The following SULT1B1 variants were observed in gnomAD, a reference collection of about 807,000 sequenced individuals.
SULT1B1 encodes sulfotransferase family 1B member 1.
A neutral mutation model predicts 34.6 loss-of-function variants in SULT1B1; 28 were observed. That is an observed-to-expected ratio of 0.81 (90% CI 0.60 to 1.11). The LOEUF (loss-of-function observed/expected upper bound fraction) is 1.11, where lower values mean the gene tolerates loss of function less well. Ranked by LOEUF, SULT1B1 falls within the 50% of genes least tolerant of loss-of-function variation. The probability of loss-of-function intolerance (pLI) is 0.00; values close to 1 mark genes in which losing one functional copy is unlikely to be tolerated. For synonymous variants in SULT1B1, 147 were observed against 110.2 expected (o/e 1.33, Z -2.09); for missense variants, 374 against 352.2 (o/e 1.06, Z -0.50).
chr4:69,736,077 T>C (rs777247003), intron 4 of SULT1B1, among the ~76,000 whole-genome samples: 3 of 152,158 alleles, frequency 2.0e-5, no homozygotes, highest in Non-Finnish European at 4.4e-5. Context: ...AGACATTGCA[T>C]TGAACTCAGT....
intron 3 of SULT1B1, 106 bp from the exon 4 acceptor site, chr4:69,749,924 G>A: frequency 1.3e-6 from 1 of 750,010 alleles, no homozygotes; most frequent in Admixed American, 2.1e-5. Flanking sequence ...ATTATGTAAT[G>A]CAGATAAATT....
rs115275283 is a variant in SULT1B1, at chr4:69,728,752, G to C, written c.779-1552C>G. ...TTTATTGTGAGAAAATATCCTAAAT[G>C]CTTACATATAATTTACCATAATCCT... On this transcript the variant is annotated intron_variant, in intron 7 of 7. Transcript: ENST00000310613. Among the ~76,000 whole-genome samples, 327 of 152,046 alleles carry C rather than the reference G, an allele frequency of 2.2e-3. 3 individuals carry two copies. The highest frequency in any genetic ancestry group is 7.5e-3 in the African/African-American group (311 of 41,510).
chr4:69,753,032 T>G (rs1719038291), intron 3 of SULT1B1, among the ~76,000 whole-genome samples: 1 of 152,216 alleles, frequency 6.6e-6, no homozygotes, highest in African/African-American at 2.4e-5. Flanking sequence ...TCCACAGGCT[T>G]TCCTTGGGCA....
At chr4:69,729,737 C>A (rs1030414401) in intron 7 of SULT1B1, among the ~76,000 whole-genome samples, 7 of 152,142 alleles carry the variant, frequency 4.6e-5, no homozygotes, top group Admixed American at 4.6e-4. Flanking sequence ...CACTTCCTAG[C>A]ATACAAATTG....
rs1183789512 is a variant in SULT1B1, at chr4:69,724,228, A to G, written c.*2860T>C. 1 of 151,948 alleles carries G rather than the reference A, an allele frequency of 6.6e-6. No individual in the cohort carries two copies. The highest frequency in any genetic ancestry group is 1.5e-5 in the Non-Finnish European group (1 of 67,896). The allele number at this position is 151,948 out of a possible 1,614,324, so 9.4% of individuals were successfully genotyped here. A position where few individuals can be genotyped will look rare whatever the true frequency, so the allele number is the denominator to read the frequency against. On this transcript the variant is annotated 3_prime_UTR_variant, in exon 8 of 8. Transcript: ENST00000310613. Reference sequence around the variant, plus strand: ...AAATCACAAGCATTCTTATACACCAATAACAGACAGAGAGCCAAATCAGGA... The same window carrying G: ...AAATCACAAGCATTCTTATACACCAGTAACAGACAGAGAGCCAAATCAGGA...
chr4:69,747,137 C>T (rs1039480279), intron 4 of SULT1B1, among the ~76,000 whole-genome samples: 1 of 152,132 alleles, frequency 6.6e-6, no homozygotes, highest in Admixed American at 6.5e-5. Flanking sequence ...GGCAAAAGTG[C>T]TTCAGCGGAG....
intron 4 of SULT1B1, among the ~76,000 whole-genome samples, chr4:69,748,265 G>GA (rs1177248373): frequency 1.3e-5 from 2 of 151,678 alleles, no homozygotes; most frequent in Non-Finnish European, 1.5e-5. Context: ...GACGTCAGTG[G>GA]AAAAAAAATT....
At chr4:69,737,245 C>G in intron 4 of SULT1B1, among the ~76,000 whole-genome samples, 1 of 152,076 alleles carries the variant, frequency 6.6e-6, no homozygotes, top group East Asian at 1.9e-4. Context: ...AATCCTGTAT[C>G]CAGTAAAACT....
At chr4:69,743,190 T>A (rs1355338653) in intron 4 of SULT1B1, among the ~76,000 whole-genome samples, 3 of 152,178 alleles carry the variant, frequency 2.0e-5, no homozygotes, top group Admixed American at 6.5e-5. Flanking sequence ...CTCAAGTTCT[T>A]GTCCTGCATT....
At chr4:69,727,266 C>A in intron 7 of SULT1B1, 66 bp from the exon 8 acceptor site, 2 of 1,272,756 alleles carry the variant, frequency 1.6e-6, no homozygotes, top group Non-Finnish European at 2.1e-6. Context: ...CAGTATATAC[C>A]AAAGGAAAAG....
At chr4:69,755,546 A>T (rs1050578490) in intron 1 of SULT1B1, among the ~76,000 whole-genome samples, 1 of 152,168 alleles carries the variant, frequency 6.6e-6, no homozygotes, top group African/African-American at 2.4e-5. Flanking sequence ...GGCAAAAACA[A>T]TCTGAACAAT....
chr4:69,755,116 G>T lies in SULT1B1; in HGVS notation c.102C>A (p.Phe34Leu). ...TCACAATGTCATCTGGTCTGCTATG[G>T]AACTGTTCAATTTTTTCCCAGTTGC... The part of the protein sequence containing the change: ...FASNWEKIEQ[F>L]HSRPDDIVIA... The change falls in exon 2 of 8, where the codon TTC becomes TTA. Residue 34 changes from phenylalanine to leucine, a missense_variant. Physicochemically the swap from Phe to Leu is conservative, Grantham distance 22. Transcript: ENST00000310613. The T allele has an allele frequency of 6.2e-7, 1 of 1,613,932 alleles. No homozygotes were observed. Among genetic ancestry groups the T allele is most frequent in the Non-Finnish European group, 8.5e-7 (1 of 1,179,848 alleles).
intron 4 of SULT1B1, among the ~76,000 whole-genome samples, chr4:69,741,138 G>A (rs1718535365): frequency 6.6e-6 from 1 of 152,162 alleles, no homozygotes; most frequent in South Asian, 2.1e-4. Flanking sequence ...TGATTGAATA[G>A]AGTTATTTCT....
chr4:69,723,998 C>T lies in SULT1B1; in HGVS notation c.*3090G>A, dbSNP rs533974577. 1 of 152,174 alleles carries T rather than the reference C, an allele frequency of 6.6e-6. No homozygotes were observed. 9.4% of individuals were successfully genotyped at this position (152,174 alleles called of 1,614,324 possible). A position where few individuals can be genotyped will look rare whatever the true frequency, so the allele number is the denominator to read the frequency against. Reference sequence around the variant, plus strand: ...GATGCCGTCTCTCACCACTCCTATTCAACATAGTGTTGGAAGTTCTGGCCA... The same window carrying T: ...GATGCCGTCTCTCACCACTCCTATTTAACATAGTGTTGGAAGTTCTGGCCA... On this transcript the variant is annotated 3_prime_UTR_variant, in exon 8 of 8. Transcript: ENST00000310613.
At chr4:69,755,383 A>G in intron 1 of SULT1B1, 122 bp from the exon 2 acceptor site, 1 of 675,212 alleles carries the variant, frequency 1.5e-6, no homozygotes, top group Non-Finnish European at 2.4e-6. Flanking sequence ...ATCTAAGTAC[A>G]AAGGGCATAT....
At chr4:69,751,546 G>A (rs1175435641) in intron 3 of SULT1B1, among the ~76,000 whole-genome samples, 1 of 152,046 alleles carries the variant, frequency 6.6e-6, no homozygotes, top group Non-Finnish European at 1.5e-5. Flanking sequence ...CTGCCTCCCG[G>A]GTTCACGCCA....
At chr4:69,727,223 A>G (rs1717874805) in intron 7 of SULT1B1, 23 bp from the exon 8 acceptor site, 8 of 1,574,726 alleles carry the variant, frequency 5.1e-6, no homozygotes, top group Admixed American at 1.8e-5. Context: ...AAAAAAACAT[A>G]GGAAAGAATA....
intron 1 of SULT1B1, among the ~76,000 whole-genome samples, chr4:69,756,278 CAT>C (rs76536275): frequency 0.046 from 7,051 of 151,948 alleles, 233 homozygotes; most frequent in East Asian, 0.093. Flanking sequence ...TCCTTGTTTA[CAT>C]GTCTGATAAT....
intron 3 of SULT1B1, among the ~76,000 whole-genome samples, chr4:69,750,302 T>C (rs549165524): frequency 6.6e-6 from 1 of 152,298 alleles, no homozygotes; most frequent in South Asian, 2.1e-4. Context: ...TCAGCTGTTT[T>C]ATCTATATTT....
Sources: allele counts gnomAD v4.1 joint callset (sites outside exome capture counted in the v4.1 genomes callset), GRCh38; gene constraint gnomAD v4.1.1; transcripts MANE v1.5; gene names NCBI Gene and HGNC (gene_info 2026-07-23, HGNC 2026-07-21).